Variants in KLF12 observed in about 807,000 individuals in gnomAD.
KLF12 encodes the protein KLF transcription factor 12, also known as Krueppel-like factor 12.
KLF12 carries 9 observed loss-of-function variants against 37.8 expected under a neutral mutation model. The ratio of observed to expected loss-of-function variants is 0.24; its 90% CI spans 0.14 to 0.42. The LOEUF (loss-of-function observed/expected upper bound fraction) is 0.42. KLF12 is among the 10% of genes least tolerant of loss of function. The probability of loss-of-function intolerance (pLI) is 1.00; values close to 1 mark genes in which losing one functional copy is unlikely to be tolerated. For missense variants in KLF12, 411 were observed against 516.0 expected (o/e 0.80, Z 1.97); for synonymous variants, 208 against 202.1 (o/e 1.03, Z -0.25).
chr13:73,901,728 C>T (rs1888050494), intron 3 of KLF12, among the ~76,000 whole-genome samples: 1 of 152,172 alleles, frequency 6.6e-6, no homozygotes, highest in African/African-American at 2.4e-5. Context: ...TGTTCCTTCT[C>T]TCCATTCTAA....
the KLF12 span, among the ~76,000 whole-genome samples, chr13:74,227,953 C>T: frequency 1.3e-5 from 2 of 152,072 alleles, no homozygotes; most frequent in Non-Finnish European, 2.9e-5. Context: ...AGTCAACTTT[C>T]GTGGACCTTA....
At position 73,967,457 on chromosome 13, in the gene KLF12, AAATACCAC is replaced by A. The variant is rs560906416; in HGVS notation, c.34-23395_34-23388del. Among the ~76,000 whole-genome samples, 34 of 152,352 alleles carry A rather than the reference AAATACCAC, an allele frequency of 2.2e-4. No individual in the cohort carries two copies. The South Asian group carries it at 7.0e-3, about 32-fold the overall frequency. On this transcript the variant is annotated intron_variant, in intron 2 of 7. Transcript: ENST00000377669. ...AGACAAAGTCAAGATTTTAAAAAAG[AAATACCAC>A]TCCTGCTGAGACTCTCATCCTTCCG...
chr13:73,964,280 TATTA>T (rs1216706378), intron 2 of KLF12, among the ~76,000 whole-genome samples: 1 of 152,012 alleles, frequency 6.6e-6, no homozygotes, highest in Non-Finnish European at 1.5e-5. Context: ...AAAACACAAA[TATTA>T]ATAAGTAGGT....
At chr13:74,220,558 G>C in the KLF12 span, among the ~76,000 whole-genome samples, 11 of 152,110 alleles carry the variant, frequency 7.2e-5, no homozygotes, top group Non-Finnish European at 1.6e-4. Flanking sequence ...ACTCTTTTTA[G>C]TTATTTTCAA....
chr13:74,089,963 A>G (rs1454171256), intron 1 of KLF12, among the ~76,000 whole-genome samples: 1 of 152,044 alleles, frequency 6.6e-6, no homozygotes, highest in African/African-American at 2.4e-5. Context: ...AGGCAAGAAA[A>G]AGAAATAAAA....
intron 1 of KLF12, among the ~76,000 whole-genome samples, chr13:74,030,996 G>A (rs1178280826): frequency 6.6e-6 from 1 of 152,004 alleles, no homozygotes; most frequent in Non-Finnish European, 1.5e-5. Context: ...ATATCTACAA[G>A]GTACTATATA....
At chr13:73,754,307 T>C (rs1398130570) in intron 6 of KLF12, among the ~76,000 whole-genome samples, 2 of 152,182 alleles carry the variant, frequency 1.3e-5, no homozygotes, top group Non-Finnish European at 2.9e-5. Flanking sequence ...GAAAACAGGC[T>C]CAATTGCATA....
chr13:74,200,950 C>T, the KLF12 span, among the ~76,000 whole-genome samples: 1 of 152,084 alleles, frequency 6.6e-6, no homozygotes, highest in Non-Finnish European at 1.5e-5. Context: ...TATTCTATGG[C>T]ACTAGAAATG....
intron 5 of KLF12, among the ~76,000 whole-genome samples, chr13:73,807,151 T>G (rs955678111): frequency 1.3e-5 from 2 of 151,978 alleles, no homozygotes. Flanking sequence ...CTACTAAAAA[T>G]ACAAAAATTA....
At chr13:74,178,276 G>C in the KLF12 span, among the ~76,000 whole-genome samples, 3 of 152,202 alleles carry the variant, frequency 2.0e-5, no homozygotes, top group Non-Finnish European at 2.9e-5. Context: ...CTAGGCTACT[G>C]CTTCATCATG....
the KLF12 span, among the ~76,000 whole-genome samples, chr13:74,153,330 G>C: frequency 6.6e-6 from 1 of 152,138 alleles, no homozygotes; most frequent in Non-Finnish European, 1.5e-5. Flanking sequence ...ACTAGGACCT[G>C]GGTGAGAAAA....
the KLF12 span, among the ~76,000 whole-genome samples, chr13:74,146,393 T>G: frequency 6.6e-6 from 1 of 152,316 alleles, no homozygotes; most frequent in South Asian, 2.1e-4. Context: ...AATATGATTT[T>G]ATTACTATTA....
chr13:74,149,296 C>T, the KLF12 span, among the ~76,000 whole-genome samples: 2 of 152,100 alleles, frequency 1.3e-5, no homozygotes, highest in Non-Finnish European at 2.9e-5. Context: ...TAATGGGCAC[C>T]TAAAATTACC....
chr13:74,148,031 C>A, the KLF12 span, among the ~76,000 whole-genome samples: 1 of 151,954 alleles, frequency 6.6e-6, no homozygotes, highest in Non-Finnish European at 1.5e-5. Flanking sequence ...CATGTCTCAA[C>A]CTCCCAAGTA....
At chr13:73,724,062 A>G (rs995928835) in intron 6 of KLF12, among the ~76,000 whole-genome samples, 2 of 152,228 alleles carry the variant, frequency 1.3e-5, no homozygotes, top group Non-Finnish European at 2.9e-5. Context: ...AGGATTATAA[A>G]TCATTCTACT....
chr13:74,027,333 T>C (rs1463867047), intron 1 of KLF12, among the ~76,000 whole-genome samples: 2 of 152,206 alleles, frequency 1.3e-5, no homozygotes, highest in Non-Finnish European at 2.9e-5. Context: ...CTCCCTTTTT[T>C]CATCATCTAA....
intron 7 of KLF12, among the ~76,000 whole-genome samples, chr13:73,704,433 C>T (rs911391281): frequency 1.3e-5 from 2 of 152,150 alleles, no homozygotes; most frequent in Non-Finnish European, 2.9e-5. Context: ...ATTTCTTGGA[C>T]TCTTCCCTCT....
intron 3 of KLF12, among the ~76,000 whole-genome samples, chr13:73,891,941 C>T (rs562285520): frequency 1.1e-3 from 165 of 152,168 alleles, no homozygotes; most frequent in Non-Finnish European, 1.9e-3. Flanking sequence ...TAATAATCTC[C>T]CAAGAGGTCA....
chr13:73,720,767 G>A (rs1342705709), intron 6 of KLF12, among the ~76,000 whole-genome samples: 1 of 152,154 alleles, frequency 6.6e-6, no homozygotes, highest in Admixed American at 6.5e-5. Context: ...GCGCCACATG[G>A]CTGCCATGAA....
Sources: gnomAD v4.1 joint callset for allele counts (sites outside exome capture counted in the v4.1 genomes callset) on GRCh38, gnomAD v4.1.1 for gene constraint, MANE v1.5 for transcripts, NCBI Gene and HGNC (gene_info 2026-07-23, HGNC 2026-07-21) for gene names.